The following EXPH5 variants were observed in gnomAD, a reference collection of about 807,000 sequenced individuals.
The protein encoded by EXPH5 is exophilin-5.
Under a neutral mutation model 41.1 loss-of-function variants are expected in EXPH5, and 42 were observed. The observed-to-expected ratio is 1.02, with a 90% CI of 0.80 to 1.32. The LOEUF is 1.32. Among genes scored for constraint, EXPH5 ranks in the 40% most tolerant of loss-of-function variants. EXPH5 has a pLI of 0.00. For synonymous variants in EXPH5, 798 were observed against 833.5 expected (o/e 0.96, Z 0.73); for missense variants, 2,298 against 2,314.5 (o/e 0.99, Z 0.15).
chr11:108,512,029 T>C lies in EXPH5; in HGVS notation c.3478A>G (p.Ile1160Val), dbSNP rs984717927. The C allele has an allele frequency of 1.3e-6, 2 of 1,594,408 alleles. No individual in the cohort carries two copies. The highest frequency in any genetic ancestry group is 1.4e-5 in the African/African-American group (1 of 73,770). ...SELTPRAWER[I>V]ISPVESDSSV... Reference sequence around the variant, plus strand: ...GAGTCACTTTCCACAGGGCTAATGATTCTCTCCCAAGCCCTTGGTGTTAGC... The same window carrying C: ...GAGTCACTTTCCACAGGGCTAATGACTCTCTCCCAAGCCCTTGGTGTTAGC... Residue 1160 changes from isoleucine to valine, a missense_variant, in exon 6 of 6, where the codon ATC becomes GTC. Coordinates refer to ENST00000265843, the MANE Select transcript of EXPH5 (RefSeq NM_015065.3).
intron 1 of EXPH5, among the ~76,000 whole-genome samples, chr11:108,550,576 C>T (rs957793536): frequency 6.6e-6 from 1 of 152,036 alleles, no homozygotes; most frequent in African/African-American, 2.4e-5. Flanking sequence ...GCCAGGAGTT[C>T]GAGACCAGCC....
intron 1 of EXPH5, among the ~76,000 whole-genome samples, chr11:108,568,661 C>G (rs768392155): frequency 2.0e-5 from 3 of 152,140 alleles, no homozygotes; most frequent in Non-Finnish European, 2.9e-5. Flanking sequence ...ACCCTGGAAT[C>G]ACAAAGTATA....
chr11:108,541,844 T>A, intron 1 of EXPH5, 32 bp from the exon 2 acceptor site: 1 of 1,519,244 alleles, frequency 6.6e-7, no homozygotes, highest in Non-Finnish European at 8.9e-7. Flanking sequence ...ATGTGGTCTT[T>A]ATTTATTTTC....
rs2093661070 is a variant in EXPH5, at chr11:108,509,326, T to C, written c.*211A>G. The C allele has an allele frequency of 2.5e-6, 1 of 404,060 alleles. No individual in the cohort carries two copies. Among genetic ancestry groups the C allele is most frequent in the Non-Finnish European group, 4.3e-6 (1 of 230,012 alleles). The allele number at this position is 404,060 out of a possible 1,614,324, so 25.0% of individuals were successfully genotyped here. On this transcript the variant is annotated 3_prime_UTR_variant, in exon 6 of 6. Coordinates refer to ENST00000265843, the MANE Select transcript of EXPH5 (RefSeq NM_015065.3). Reference sequence around the variant, plus strand: ...TAAGAACATTTACAGAGATAGAAAATAGCAGAGACTCTCTCAAAACAAGAA... The same window carrying C: ...TAAGAACATTTACAGAGATAGAAAACAGCAGAGACTCTCTCAAAACAAGAA...
In EXPH5 at chr11:108,583,659, TA is replaced by T. The variant is rs976254721; in HGVS notation, c.119+9758del. On this transcript the variant is annotated intron_variant, in intron 1 of 5. Transcript: ENST00000265843. Reference sequence around the variant, plus strand: ...CAACATAGCAAAACCCCATCTCTATTAAAAAAAATTAACAAAAAAATAAAAA... The same window carrying T: ...CAACATAGCAAAACCCCATCTCTATTAAAAAAATTAACAAAAAAATAAAAA... Among the ~76,000 whole-genome samples the T allele has an allele frequency of 9.4e-4, 131 of 138,850 alleles. 1 individual carries two copies. Among genetic ancestry groups the T allele is most frequent in the African/African-American group, 3.7e-3 (124 of 33,838 alleles). 91.1% of individuals were successfully genotyped at this position (138,850 alleles called of 152,430 possible).
intron 4 of EXPH5, among the ~76,000 whole-genome samples, chr11:108,522,734 G>A (rs1222286083): frequency 2.0e-5 from 3 of 152,142 alleles, no homozygotes; most frequent in African/African-American, 7.2e-5. Flanking sequence ...ATCCTAATTA[G>A]GGCTCAGTTT....
At chr11:108,564,652 G>T (rs2094026824) in intron 1 of EXPH5, among the ~76,000 whole-genome samples, 2 of 152,066 alleles carry the variant, frequency 1.3e-5, no homozygotes, top group South Asian at 4.1e-4. Context: ...GGAATTGCCA[G>T]GCCAAAGGAT....
chr11:108,600,878 A>G, the EXPH5 span, among the ~76,000 whole-genome samples: 4 of 152,238 alleles, frequency 2.6e-5, no homozygotes, highest in African/African-American at 7.2e-5. Flanking sequence ...AAGTTCAATG[A>G]CAAGTACAAT....
chr11:108,559,029 T>C (rs2094001129), intron 1 of EXPH5, among the ~76,000 whole-genome samples: 1 of 152,070 alleles, frequency 6.6e-6, no homozygotes, highest in Admixed American at 6.6e-5. Context: ...ACCAGCATGA[T>C]GATAATCGTT....
At chr11:108,541,883 G>T in intron 1 of EXPH5, 71 bp from the exon 2 acceptor site, 1 of 1,316,150 alleles carries the variant, frequency 7.6e-7, no homozygotes, top group Non-Finnish European at 1.0e-6. Flanking sequence ...TTAAATCAAT[G>T]TACTTTTTTT....
rs1306508771 is a variant in EXPH5 at position 108,506,673 on chromosome 11, GT to G, written c.*2863del. ...AATTGCATAGAAAATGTAGGTCATG[GT>G]TTATTAAAGTTTTACTTAAATAATC... On this transcript the variant is annotated 3_prime_UTR_variant, in exon 6 of 6. Coordinates refer to ENST00000265843, the MANE Select transcript of EXPH5 (RefSeq NM_015065.3). The G allele has an allele frequency of 6.6e-6, 1 of 152,114 alleles. No individual in the cohort carries two copies. Among genetic ancestry groups the G allele is most frequent in the Non-Finnish European group, 1.5e-5 (1 of 68,020 alleles). The allele number at this position is 152,114 out of a possible 1,614,324, so 9.4% of individuals were successfully genotyped here.
intron 1 of EXPH5, among the ~76,000 whole-genome samples, chr11:108,567,288 G>A (rs1016178193): frequency 1.3e-5 from 2 of 152,166 alleles, no homozygotes; most frequent in African/African-American, 4.8e-5. Flanking sequence ...GAAGATTTAC[G>A]TATTCCAACT....
At position 108,545,596 on chromosome 11, in the gene EXPH5, G is replaced by A. The variant is rs75372726; in HGVS notation, c.120-3784C>T. Among the ~76,000 whole-genome samples the A allele has an allele frequency of 3.8e-3, 583 of 152,116 alleles. 3 individuals are homozygous for A. The highest frequency in any genetic ancestry group is 0.013 in the African/African-American group (550 of 41,500). ...TCTGCTGGGGTGGGAGTGTGTGTGGGGGGGAAACAATAAAAAAGTAAATAA... is the reference window on the plus strand; with the variant it reads ...TCTGCTGGGGTGGGAGTGTGTGTGGAGGGGAAACAATAAAAAAGTAAATAA... On this transcript the variant is annotated intron_variant, in intron 1 of 5. Transcript: ENST00000265843.
intron 1 of EXPH5, among the ~76,000 whole-genome samples, chr11:108,571,864 C>G (rs1274227178): frequency 6.6e-6 from 1 of 151,822 alleles, no homozygotes; most frequent in Non-Finnish European, 1.5e-5. Flanking sequence ...ATCGAGACCA[C>G]AGTGAAACCC....
chr11:108,571,907 G>C lies in EXPH5; in HGVS notation c.119+21511C>G, dbSNP rs183108600. Among the ~76,000 whole-genome samples, 1,069 of 152,142 alleles carry C rather than the reference G, an allele frequency of 7.0e-3. 14 individuals are homozygous for C. Among genetic ancestry groups the C allele is most frequent in the African/African-American group, 0.024 (984 of 41,492 alleles). On this transcript the variant is annotated intron_variant, in intron 1 of 5. Transcript: ENST00000265843. ...ACTAAAAATACAAAAAATTAGCCAGGCGTGGTGGCGGGCGCCTGTAGTCCC... is the reference window on the plus strand; with the variant it reads ...ACTAAAAATACAAAAAATTAGCCAGCCGTGGTGGCGGGCGCCTGTAGTCCC...
chr11:108,511,582 G>A lies in EXPH5; in HGVS notation c.3925C>T (p.Pro1309Ser). 3 of 1,613,402 alleles carry A rather than the reference G, an allele frequency of 1.9e-6. No homozygotes were observed. The highest frequency in any genetic ancestry group is 2.5e-6 in the Non-Finnish European group (3 of 1,179,822). Residue 1309 changes from proline to serine, a missense_variant, in exon 6 of 6, where the codon CCT (proline) becomes TCT (serine). Transcript: ENST00000265843. ...GACATCTTTAGATTTTCACATGAAG[G>A]TGTTCCTGACTGCTCTCGTGTAGAA... ...NYSTREQSGTPSCENLKMSVN... is the reference protein window; with the variant it reads ...NYSTREQSGTSSCENLKMSVN...
chr11:108,521,742 T>C (rs2135960691), intron 4 of EXPH5, among the ~76,000 whole-genome samples: 1 of 152,250 alleles, frequency 6.6e-6, no homozygotes, highest in East Asian at 1.9e-4. Flanking sequence ...TTACAGATCT[T>C]ATAAGTCCTT....
Position 108,510,327 on chromosome 11 carries a change from C to T in EXPH5, c.5180G>A (p.Arg1727Lys), listed in dbSNP as rs778865772. The change falls in exon 6 of 6, where the codon AGA (arginine) becomes AAA (lysine). Residue 1727 changes from arginine (R) to lysine (K), a missense_variant. Transcript: ENST00000265843. The part of the protein sequence containing the change: ...KDVTAAQNLV[R>K]ESGAPSPITF... Reference sequence around the variant, plus strand: ...GATGGGTGATGGGGCTCCTGATTCTCTTACTAAATTCTGAGCTGCTGTGAC... The same window carrying T: ...GATGGGTGATGGGGCTCCTGATTCTTTTACTAAATTCTGAGCTGCTGTGAC... 2.0e-5 allele frequency: 33 copies of T among 1,613,968 alleles called. No individual in the cohort carries two copies. Among genetic ancestry groups the T allele is most frequent in the Non-Finnish European group, 2.4e-5 (28 of 1,179,960 alleles).
At chr11:108,549,345 T>C (rs2093953249) in intron 1 of EXPH5, among the ~76,000 whole-genome samples, 1 of 152,222 alleles carries the variant, frequency 6.6e-6, no homozygotes, top group Admixed American at 6.5e-5. Flanking sequence ...TTGGATTTCA[T>C]CCTAGCACCT....
Sources: gnomAD v4.1 joint callset for allele counts (sites outside exome capture counted in the v4.1 genomes callset) on GRCh38, gnomAD v4.1.1 for gene constraint, MANE v1.5 for transcripts, NCBI Gene and HGNC (gene_info 2026-07-23, HGNC 2026-07-21) for gene names.